Variants in NKAIN3 observed in about 807,000 individuals in gnomAD.
NKAIN3 encodes the protein sodium/potassium transporting ATPase interacting 3, also known as sodium/potassium-transporting ATPase subunit beta-1-interacting protein 3.
A neutral mutation model predicts 30.2 loss-of-function variants in NKAIN3; 25 were observed. The ratio of observed to expected loss-of-function variants is 0.83; its 90% confidence interval spans 0.60 to 1.16. The LOEUF (loss-of-function observed/expected upper bound fraction) is 1.16. NKAIN3 is among the 50% of genes most tolerant of loss of function. The pLI, the probability that NKAIN3 is intolerant of heterozygous loss-of-function variation, is 0.00. For missense variants in NKAIN3, 225 were observed against 254.1 expected, an observed-to-expected ratio of 0.89 and a Z score of 0.78; for synonymous variants, 91 against 89.6, an observed-to-expected ratio of 1.02 and a Z score of -0.09.
intron 4 of NKAIN3, among the ~76,000 whole-genome samples, chr8:62,805,274 C>T (rs1028519293): frequency 5.9e-5 from 9 of 151,918 alleles, no homozygotes; most frequent in African/African-American, 1.7e-4. Flanking sequence ...CTACCAATGC[C>T]TTTCTTCACA....
chr8:62,719,712 A>ACATTT (rs1221205552), intron 3 of NKAIN3, among the ~76,000 whole-genome samples: 1 of 151,672 alleles, frequency 6.6e-6, no homozygotes, highest in Admixed American at 6.6e-5. Flanking sequence ...AAGTTGGTTA[A>ACATTT]CATTTCCTGT....
intron 1 of NKAIN3, among the ~76,000 whole-genome samples, chr8:62,549,196 A>C (rs981774116): frequency 6.6e-6 from 1 of 152,198 alleles, no homozygotes; most frequent in Admixed American, 6.5e-5. Context: ...GCTTTTGCCT[A>C]TACATTTTAA....
intron 1 of NKAIN3, chr8:62,483,739 T>A: frequency 3.3e-6 from 1 of 304,088 alleles, no homozygotes; most frequent in South Asian, 3.8e-5. Context: ...AACCTGGATG[T>A]TGCGGGAGGC....
At chr8:62,680,723 T>A (rs1223239497) in intron 3 of NKAIN3, among the ~76,000 whole-genome samples, 1 of 152,176 alleles carries the variant, frequency 6.6e-6, no homozygotes, top group African/African-American at 2.4e-5. Context: ...GGTGTGTGTG[T>A]GTGTGTGTGC....
Position 62,322,665 on chromosome 8 carries a change from G to A in NKAIN3, c.54+73538G>A, listed in dbSNP as rs966690382. ...AGTTGCTAAATAAATACTATGTGAG[G>A]GACCTATTCTAAGTTGTAAAGATCT... On this transcript the variant is annotated intron_variant, in intron 1 of 6. Transcript: ENST00000623646. Among the ~76,000 whole-genome samples, 4 of 152,142 alleles carry A rather than the reference G, an allele frequency of 2.6e-5. No homozygotes were observed. The East Asian group carries it at 5.8e-4, about 22-fold the overall frequency.
intron 1 of NKAIN3, among the ~76,000 whole-genome samples, chr8:62,273,768 T>A (rs896937384): frequency 3.9e-5 from 6 of 152,200 alleles, no homozygotes; most frequent in Non-Finnish European, 8.8e-5. Context: ...TACCCTCTTA[T>A]GAGATGTTTA....
At chr8:62,794,298 A>G (rs1817790953) in intron 4 of NKAIN3, among the ~76,000 whole-genome samples, 1 of 152,214 alleles carries the variant, frequency 6.6e-6, no homozygotes, top group African/African-American at 2.4e-5. Flanking sequence ...TATCAAATAA[A>G]TCATGAGACA....
intron 1 of NKAIN3, among the ~76,000 whole-genome samples, chr8:62,433,221 G>A (rs1241371296): frequency 6.6e-6 from 1 of 151,962 alleles, no homozygotes; most frequent in African/African-American, 2.4e-5. Context: ...CAAATCTCAG[G>A]TTTGCGAGCC....
At chr8:62,361,523 G>A (rs1056473158) in intron 1 of NKAIN3, among the ~76,000 whole-genome samples, 1 of 152,216 alleles carries the variant, frequency 6.6e-6, no homozygotes, top group South Asian at 2.1e-4. Context: ...ATAGTGACCT[G>A]GTATCTTTAT....
At chr8:62,249,548 T>C (rs1812021983) in intron 1 of NKAIN3, among the ~76,000 whole-genome samples, 1 of 152,256 alleles carries the variant, frequency 6.6e-6, no homozygotes, top group African/African-American at 2.4e-5. Context: ...GTTGCTTAAT[T>C]ACACTGTGTG....
At chr8:62,951,069 C>T (rs1823273081) in intron 5 of NKAIN3, among the ~76,000 whole-genome samples, 1 of 150,230 alleles carries the variant, frequency 6.7e-6, no homozygotes, top group South Asian at 2.1e-4. Flanking sequence ...TAGCACCTTC[C>T]TTTCAAGGGC....
chr8:62,382,770 C>T (rs990614774), intron 1 of NKAIN3, among the ~76,000 whole-genome samples: 1 of 152,114 alleles, frequency 6.6e-6, no homozygotes, highest in African/African-American at 2.4e-5. Context: ...GCTGTTAGCT[C>T]TTTAATTTCT....
chr8:62,908,164 T>C (rs989315676), intron 4 of NKAIN3, among the ~76,000 whole-genome samples: 1 of 152,182 alleles, frequency 6.6e-6, no homozygotes, highest in Admixed American at 6.5e-5. Flanking sequence ...CTTACTGCCC[T>C]GCTGGATTTT....
chr8:62,557,042 G>A (rs1182711984), intron 1 of NKAIN3, among the ~76,000 whole-genome samples: 1 of 151,952 alleles, frequency 6.6e-6, no homozygotes, highest in Non-Finnish European at 1.5e-5. Flanking sequence ...CCCATCACCT[G>A]AGCAGTATAC....
intron 4 of NKAIN3, among the ~76,000 whole-genome samples, chr8:62,784,238 A>G (rs1307084371): frequency 6.6e-6 from 1 of 151,940 alleles, no homozygotes; most frequent in Non-Finnish European, 1.5e-5. Flanking sequence ...AGAAGTGCAA[A>G]CTATCCCTAA....
intron 1 of NKAIN3, among the ~76,000 whole-genome samples, chr8:62,410,568 T>C (rs1804207134): frequency 6.6e-6 from 1 of 152,016 alleles, no homozygotes; most frequent in Non-Finnish European, 1.5e-5. Context: ...AACCAAGAAT[T>C]GGTACTTTGG....
intron 3 of NKAIN3, among the ~76,000 whole-genome samples, chr8:62,628,047 G>A (rs1378235178): frequency 3.9e-5 from 6 of 152,132 alleles, no homozygotes; most frequent in East Asian, 3.9e-4. Flanking sequence ...TCTTGCCATC[G>A]GAAGCACTAT....
intron 4 of NKAIN3, among the ~76,000 whole-genome samples, chr8:62,750,973 T>C (rs1423736551): frequency 6.6e-6 from 1 of 152,156 alleles, no homozygotes; most frequent in Admixed American, 6.5e-5. Context: ...ACTTCATGCA[T>C]GCCTCCTGCT....
At chr8:62,840,682 C>T (rs1819504153) in intron 4 of NKAIN3, among the ~76,000 whole-genome samples, 1 of 152,076 alleles carries the variant, frequency 6.6e-6, no homozygotes, top group Admixed American at 6.6e-5. Context: ...TTTCTCCAAC[C>T]ATTTTAATAG....
Sources: allele counts gnomAD v4.1 joint callset (sites outside exome capture counted in the v4.1 genomes callset), GRCh38; gene constraint gnomAD v4.1.1; transcripts MANE v1.5; gene names NCBI Gene and HGNC (gene_info 2026-07-23, HGNC 2026-07-21).